Variants in DGAT1 observed in about 807,000 individuals in gnomAD.
DGAT1 encodes the protein ACAT related gene product 1.
A neutral mutation model predicts 72.6 loss-of-function variants in DGAT1; 60 were observed. The observed-to-expected ratio is 0.83, with a 90% CI of 0.67 to 1.02. The LOEUF (loss-of-function observed/expected upper bound fraction) is 1.02, where lower values mean the gene tolerates loss of function less well. Ranked by LOEUF, DGAT1 falls within the 50% of genes least tolerant of loss-of-function variation. The pLI, the probability that DGAT1 is intolerant of heterozygous loss-of-function variation, is 0.00. For missense variants in DGAT1, 592 were observed against 670.0 expected (o/e 0.88, Z 1.29); for synonymous variants, 290 against 267.5 (o/e 1.08, Z -0.82).
chr8:144,318,677 G>A (rs782746742), intron 5 of DGAT1, 22 bp downstream of exon 5: 84 of 1,608,504 alleles, frequency 5.2e-5, no homozygotes, highest in African/African-American at 2.8e-4. Context: ...GAGCACACAC[G>A]GAGGTGAGGG....
intron 7 of DGAT1, 28 bp from the exon 8 acceptor site, chr8:144,318,197 C>A: frequency 6.2e-7 from 1 of 1,609,368 alleles, no homozygotes; most frequent in Non-Finnish European, 8.5e-7. Context: ...TGGGAGGGGG[C>A]TGGTGGGGCC....
chr8:144,324,398 C>A (rs375523725), intron 1 of DGAT1, among the ~76,000 whole-genome samples: 1 of 152,302 alleles, frequency 6.6e-6, no homozygotes. Flanking sequence ...AGGCCTGACG[C>A]AGACAGCAGG....
Position 144,317,065 on chromosome 8 carries a change from A to T in DGAT1, c.1205T>A (p.Met402Lys). The T allele has an allele frequency of 6.2e-7, 1 of 1,612,868 alleles. No homozygotes were observed. Among genetic ancestry groups the T allele is most frequent in the Non-Finnish European group, 8.5e-7 (1 of 1,179,932 alleles). ...GGCCAGGAACACCCCTGTCCTGGCC[A>T]TCCACTTGCTGCTGCCCCGTCGAAG... The part of the protein sequence containing the change: ...PMLRRGSSKW[M>K]ARTGVFLASA... The change falls in exon 15 of 17, where the codon ATG (methionine) becomes AAG (lysine). Residue 402 changes from methionine (M) to lysine (K), a missense_variant. By Grantham distance (95) the Met-to-Lys change is moderately conservative. Coordinates refer to ENST00000528718, the MANE Select transcript of DGAT1 (RefSeq NM_012079.6).
chr8:144,317,960 G>T lies in DGAT1; in HGVS notation c.809C>A (p.Ser270Tyr), dbSNP rs781791106. The change falls in exon 9 of 17, where the codon TCT (serine) becomes TAT (tyrosine). Residue 270 changes from serine (S) to tyrosine (Y), a missense_variant. Coordinates refer to ENST00000528718, the MANE Select transcript of DGAT1 (RefSeq NM_012079.6). Reference sequence around the variant, plus strand: ...CAGAAAGCGCTTCCGGATGCGGGGAGAGCGGGGAAAGTTGAGCTCGTAGCA... The same window carrying T: ...CAGAAAGCGCTTCCGGATGCGGGGATAGCGGGGAAAGTTGAGCTCGTAGCA... ...TLCYELNFPR[S>Y]PRIRKRFLLR... The T allele has an allele frequency of 1.7e-5, 26 of 1,519,998 alleles. No individual in the cohort carries two copies. The South Asian group carries it at 3.5e-4, about 20-fold the overall frequency. The allele number at this position is 1,519,998 out of a possible 1,614,324, so 94.2% of individuals were successfully genotyped here.
At position 144,318,488 on chromosome 8, in the gene DGAT1, C is replaced by T. The variant is rs1397098169; in HGVS notation, c.547G>A (p.Val183Ile). Residue 183 changes from valine (V) to isoleucine (I), a missense_variant, in exon 6 of 17, where the codon GTC (valine) becomes ATC (isoleucine). Transcript: ENST00000528718. ...GGAGTGATAGACTCAACCAGTAAGA[C>T]CACAGCCGCTGGGAAACACAGAATG... ...ATILCFPAAV[V>I]LLVESITPVG... 1 of 1,611,598 alleles carries T rather than the reference C, an allele frequency of 6.2e-7. No individual in the cohort carries two copies. Among genetic ancestry groups the T allele is most frequent in the South Asian group, 1.1e-5 (1 of 91,020 alleles).
Position 144,318,747 on chromosome 8 carries a change from G to T in DGAT1, c.420C>A (p.Ala140=). ...SWPAPCLVIA[A]NVFAVAAFQV... ...GGAATGCAGCCACAGCAAAGACATT[G>T]GCCGCTGTGGACAGAAGCACCAAGG... The change falls in exon 5 of 17, where the codon GCC becomes GCA. Residue 140 remains alanine (A), a synonymous_variant. Transcript: ENST00000528718. 2 of 1,606,952 alleles carry T rather than the reference G, an allele frequency of 1.2e-6. No homozygotes were observed. The highest frequency in any genetic ancestry group is 2.2e-5 in the South Asian group (2 of 89,800).
chr8:144,318,410 C>T (rs1817325941), intron 6 of DGAT1, 48 bp from the exon 7 acceptor site: 2 of 1,604,016 alleles, frequency 1.2e-6, no homozygotes, highest in African/African-American at 1.3e-5. Context: ...AGCCGGAGGC[C>T]ATGCCCGTGG....
In DGAT1 at chr8:144,315,526, C is replaced by T. The variant is rs1817171073; in HGVS notation, c.*1028G>A. On this transcript the variant is annotated 3_prime_UTR_variant, in exon 17 of 17. Transcript: ENST00000528718. ...CTGGTCCAGTCTTGGGGTCTTTAAT[C>T]AAGCAGTCACCCCAGCAAGGTAAGG... 2 of 985,542 alleles carry T rather than the reference C, an allele frequency of 2.0e-6. No individual in the cohort carries two copies. Among genetic ancestry groups the T allele is most frequent in the East Asian group, 2.3e-4 (2 of 8,798 alleles). The allele number at this position is 985,542 out of a possible 1,614,324, so 61.0% of individuals were successfully genotyped here. A position where few individuals can be genotyped will look rare whatever the true frequency, so the allele number is the denominator to read the frequency against.
chr8:144,320,120 G>A (rs894551621), intron 2 of DGAT1, among the ~76,000 whole-genome samples: 9 of 152,362 alleles, frequency 5.9e-5, no homozygotes, highest in East Asian at 1.9e-4. Flanking sequence ...GCCAATGGAC[G>A]GTACCCACCT....
In DGAT1 at chr8:144,314,863, G is replaced by A. The variant is rs1465972703; in HGVS notation, c.*1691C>T. ...CTTGCAGCTAGCTCCGTGCCTGCCC[G>A]ACTCCCCAGGACCAGCATGTGCTTG... On this transcript the variant is annotated 3_prime_UTR_variant, in exon 17 of 17. Coordinates refer to ENST00000528718, the MANE Select transcript of DGAT1 (RefSeq NM_012079.6). 4.1e-6 allele frequency: 4 copies of A among 978,736 alleles called. No homozygotes were observed. Among genetic ancestry groups the A allele is most frequent in the South Asian group, 9.3e-5 (2 of 21,432 alleles). The allele number at this position is 978,736 out of a possible 1,614,324, so 60.6% of individuals were successfully genotyped here.
At chr8:144,322,587 AC>A (rs1817488903) in intron 1 of DGAT1, among the ~76,000 whole-genome samples, 1 of 152,200 alleles carries the variant, frequency 6.6e-6, no homozygotes, top group Admixed American at 6.5e-5. Flanking sequence ...GGCAATGCCA[AC>A]AAGCCCAACC....
intron 2 of DGAT1, among the ~76,000 whole-genome samples, chr8:144,321,005 G>A (rs1431960122): frequency 6.6e-6 from 1 of 151,898 alleles, no homozygotes; most frequent in African/African-American, 2.4e-5. Flanking sequence ...ACAACACACA[G>A]GCTCCAGCCA....
rs1256044817 is a variant in DGAT1 at position 144,318,761 on chromosome 8, G to A, written c.416-10C>T. 2 of 1,606,962 alleles carry A rather than the reference G, an allele frequency of 1.2e-6. No individual in the cohort carries two copies. The highest frequency in any genetic ancestry group is 1.7e-6 in the Non-Finnish European group (2 of 1,177,066). On this transcript the variant is annotated splice_polypyrimidine_tract_variant and intron_variant, in intron 4 of 16. Transcript: ENST00000528718. Reference sequence around the variant, plus strand: ...GCAAAGACATTGGCCGCTGTGGACAGAAGCACCAAGGGGCAGGTTTAGGGC... The same window carrying A: ...GCAAAGACATTGGCCGCTGTGGACAAAAGCACCAAGGGGCAGGTTTAGGGC...
chr8:144,325,746 C>T (rs1253679036), intron 1 of DGAT1, among the ~76,000 whole-genome samples: 1 of 152,226 alleles, frequency 6.6e-6, no homozygotes, highest in African/African-American at 2.4e-5. Context: ...ACCCCCATAC[C>T]CCACTCCCCA....
chr8:144,318,669 G>C lies in DGAT1; in HGVS notation c.468+30C>G, dbSNP rs1554847710. 4 of 1,607,824 alleles carry C rather than the reference G, an allele frequency of 2.5e-6. No homozygotes were observed. The African/African-American group carries it at 5.3e-5, about 21-fold the overall frequency. ...CCCAGGAGCGCACACAGCAGGGTGA[G>C]CACACACGGAGGTGAGGGGCACTGC... On this transcript the variant is annotated intron_variant, in intron 5 of 16. Coordinates refer to ENST00000528718, the MANE Select transcript of DGAT1 (RefSeq NM_012079.6).
intron 1 of DGAT1, among the ~76,000 whole-genome samples, chr8:144,322,710 C>T (rs1817492179): frequency 6.6e-6 from 1 of 152,222 alleles, no homozygotes; most frequent in African/African-American, 2.4e-5. Context: ...GATGCTCACA[C>T]CTTTCCCTCT....
chr8:144,319,799 T>A (rs1277052075), intron 2 of DGAT1, among the ~76,000 whole-genome samples: 5 of 152,176 alleles, frequency 3.3e-5, no homozygotes, highest in African/African-American at 9.6e-5. Context: ...TCCTCCATCT[T>A]ACAAGCACTA....
rs1268061707 is a variant in DGAT1, at chr8:144,316,310, T to C, written c.*244A>G. On this transcript the variant is annotated 3_prime_UTR_variant, in exon 17 of 17. Transcript: ENST00000528718. ...AAGAGGTCACTGGACAGCACTTTAT[T>C]GACACCCTCGGACCCGGGGCAGGGT... 9.1e-6 allele frequency: 5 copies of C among 551,324 alleles called. No individual in the cohort carries two copies. The highest frequency in any genetic ancestry group is 1.6e-5 in the Non-Finnish European group (5 of 315,598). The allele number at this position is 551,324 out of a possible 1,614,324, so 34.2% of individuals were successfully genotyped here. A position where few individuals can be genotyped will look rare whatever the true frequency, so the allele number is the denominator to read the frequency against.
In DGAT1 at chr8:144,316,558, GC is replaced by G. The variant is rs1554847009; in HGVS notation, c.1462del (p.Ala488ProfsTer226). On this transcript the variant is annotated frameshift_variant, in exon 17 of 17. Transcript: ENST00000528718. LOFTEE classifies it high-confidence loss of function. ...AGCCAGGCCCTCAGGTGCAGCTCAG[GC>G]CTCTGCCGCTGGGGCCTCATAGTTG... is the stretch of plus-strand genomic sequence containing the variant. Reference protein sequence around the residue: ...VLNYEAPAAEA With the variant: ...VLNYEAPAAEX 1.3e-6 allele frequency: 2 copies of G among 1,592,302 alleles called. No individual in the cohort carries two copies. The highest frequency in any genetic ancestry group is 1.7e-6 in the Non-Finnish European group (2 of 1,170,194).
Sources: allele counts gnomAD v4.1 joint callset (sites outside exome capture counted in the v4.1 genomes callset), GRCh38; gene constraint gnomAD v4.1.1; transcripts MANE v1.5; gene names NCBI Gene and HGNC (gene_info 2026-07-23, HGNC 2026-07-21).